ITFG1: variants seen among roughly 807,000 people sequenced by gnomAD.
ITFG1 encodes the protein integrin alpha FG-GAP repeat containing 1.
ITFG1 carries 34 observed loss-of-function variants against 81.8 expected under a neutral mutation model. The ratio of observed to expected loss-of-function variants is 0.42; its 90% CI spans 0.32 to 0.55. The LOEUF (loss-of-function observed/expected upper bound fraction) is 0.55. ITFG1 is among the 20% of genes least tolerant of loss of function. The pLI, the probability that ITFG1 is intolerant of heterozygous loss-of-function variation, is 0.17. For missense variants in ITFG1, 672 were observed against 755.4 expected, an observed-to-expected ratio of 0.89 and a Z score of 1.29; for synonymous variants, 285 against 270.6, an observed-to-expected ratio of 1.05 and a Z score of -0.52.
chr16:47,231,000 A>G (rs1179697738), intron 13 of ITFG1, among the ~76,000 whole-genome samples: 4 of 152,218 alleles, frequency 2.6e-5, no homozygotes, highest in East Asian at 1.9e-4. Context: ...TGCCCGCCTC[A>G]GCCTCCCAAA....
chr16:47,315,768 C>CAT (rs546244760), intron 8 of ITFG1, among the ~76,000 whole-genome samples: 15 of 144,538 alleles, frequency 1.0e-4, no homozygotes, highest in East Asian at 7.7e-4. Flanking sequence ...TTCTAAATGC[C>CAT]ATATATATAT....
Position 47,455,528 on chromosome 16 carries a change from G to T in ITFG1, c.282-1370C>A, listed in dbSNP as rs575386155. Among the ~76,000 whole-genome samples, 10 of 151,996 alleles carry T rather than the reference G, an allele frequency of 6.6e-5. No individual in the cohort carries two copies. The South Asian group carries it at 2.1e-3, about 32-fold the overall frequency. ...CTGTAATCCCAGCACTTTGGGAGGT[G>T]GAGGTGGAGGTGGGTGGATCACTTG... is the stretch of plus-strand genomic sequence containing the variant. On this transcript the variant is annotated intron_variant, in intron 2 of 17. Coordinates refer to ENST00000320640, the MANE Select transcript of ITFG1 (RefSeq NM_030790.5).
intron 6 of ITFG1, among the ~76,000 whole-genome samples, chr16:47,388,774 G>T (rs956655225): frequency 2.0e-5 from 3 of 152,144 alleles, no homozygotes; most frequent in African/African-American, 7.2e-5. Flanking sequence ...GCTGCAAAGT[G>T]TGACCCCGTC....
At chr16:47,285,100 G>A (rs1002461571) in intron 10 of ITFG1, among the ~76,000 whole-genome samples, 2 of 152,092 alleles carry the variant, frequency 1.3e-5, no homozygotes, top group African/African-American at 2.4e-5. Context: ...GTAATGTTGG[G>A]TGTGTTAGGC....
intron 8 of ITFG1, among the ~76,000 whole-genome samples, chr16:47,327,660 G>T (rs1346602185): frequency 1.3e-5 from 2 of 152,262 alleles, no homozygotes; most frequent in African/African-American, 4.8e-5. Context: ...CAAAAAGTGG[G>T]CAAAGGATAT....
intron 10 of ITFG1, among the ~76,000 whole-genome samples, chr16:47,287,220 C>T (rs749791401): frequency 6.6e-6 from 1 of 152,022 alleles, no homozygotes; most frequent in Non-Finnish European, 1.5e-5. Context: ...GAAATGTTCT[C>T]TATTTAAATA....
chr16:47,203,623 T>C (rs1965455643), intron 14 of ITFG1, among the ~76,000 whole-genome samples: 1 of 152,186 alleles, frequency 6.6e-6, no homozygotes, highest in Non-Finnish European at 1.5e-5. Flanking sequence ...TTCATGGTCC[T>C]GTGAGAATCT....
intron 2 of ITFG1, among the ~76,000 whole-genome samples, chr16:47,456,695 A>C (rs2151620277): frequency 6.6e-6 from 1 of 150,616 alleles, no homozygotes; most frequent in South Asian, 2.1e-4. Context: ...CTGTCTCTAA[A>C]AAAAAAAAAA....
At chr16:47,342,965 CA>C (rs1161352475) in intron 8 of ITFG1, among the ~76,000 whole-genome samples, 18 of 152,196 alleles carry the variant, frequency 1.2e-4, no homozygotes, top group African/African-American at 4.3e-4. Context: ...AAAATTTCAA[CA>C]GCCTTTTTAG....
chr16:47,283,781 C>T (rs1181222389), intron 10 of ITFG1, among the ~76,000 whole-genome samples: 3 of 152,126 alleles, frequency 2.0e-5, no homozygotes, highest in African/African-American at 7.2e-5. Context: ...GTTACTATGG[C>T]AATAGGAAAC....
intron 14 of ITFG1, among the ~76,000 whole-genome samples, chr16:47,187,499 C>T (rs984430202): frequency 2.6e-5 from 4 of 152,212 alleles, no homozygotes; most frequent in East Asian, 1.9e-4. Flanking sequence ...CTGAGAAAAA[C>T]AAGCAATGGG....
chr16:47,185,613 T>C (rs1349684083), intron 14 of ITFG1, among the ~76,000 whole-genome samples: 3 of 152,088 alleles, frequency 2.0e-5, no homozygotes, highest in African/African-American at 7.2e-5. Flanking sequence ...TTCAAAGCAG[T>C]GTGTAGAGGG....
chr16:47,457,974 A>C (rs557205411), intron 2 of ITFG1, among the ~76,000 whole-genome samples: 1 of 152,344 alleles, frequency 6.6e-6, no homozygotes, highest in South Asian at 2.1e-4. Flanking sequence ...TCTTTTTAAC[A>C]TGAGTTTGAG....
At chr16:47,329,850 G>A (rs549246718) in intron 8 of ITFG1, among the ~76,000 whole-genome samples, 28 of 152,172 alleles carry the variant, frequency 1.8e-4, no homozygotes, top group African/African-American at 6.5e-4. Flanking sequence ...CCATATTCTC[G>A]TCTACTTCCC....
At chr16:47,388,433 G>A (rs1191203406) in intron 6 of ITFG1, among the ~76,000 whole-genome samples, 4 of 152,036 alleles carry the variant, frequency 2.6e-5, no homozygotes, top group African/African-American at 9.7e-5. Flanking sequence ...CAAAGAAAAA[G>A]AAAATTTTTG....
chr16:47,435,333 A>G (rs933986527), intron 5 of ITFG1, among the ~76,000 whole-genome samples: 3 of 152,240 alleles, frequency 2.0e-5, no homozygotes, highest in Non-Finnish European at 4.4e-5. Context: ...AAGGTCACAC[A>G]TAAAAACTGC....
chr16:47,186,369 C>G (rs1334238699), intron 14 of ITFG1, among the ~76,000 whole-genome samples: 3 of 152,110 alleles, frequency 2.0e-5, no homozygotes, highest in Non-Finnish European at 4.4e-5. Context: ...CAATAAAATA[C>G]TGGCAAACCG....
intron 10 of ITFG1, among the ~76,000 whole-genome samples, chr16:47,293,773 T>C (rs1454651166): frequency 1.3e-5 from 2 of 152,106 alleles, no homozygotes; most frequent in African/African-American, 4.8e-5. Flanking sequence ...TAATCATTAA[T>C]CAGATCTGTA....
intron 14 of ITFG1, among the ~76,000 whole-genome samples, chr16:47,167,196 G>C (rs892410900): frequency 6.6e-6 from 1 of 152,122 alleles, no homozygotes; most frequent in Non-Finnish European, 1.5e-5. Context: ...AACTGTGTCT[G>C]GCTTCTTTCA....
Sources: gnomAD v4.1 joint callset for allele counts (sites outside exome capture counted in the v4.1 genomes callset) on GRCh38, gnomAD v4.1.1 for gene constraint, MANE v1.5 for transcripts, NCBI Gene and HGNC (gene_info 2026-07-23, HGNC 2026-07-21) for gene names.